The following EXD3 variants were observed in gnomAD, a reference collection of about 807,000 sequenced individuals.
EXD3 encodes exonuclease 3'-5' domain containing 3, also known as exonuclease mut-7 homolog.
EXD3 carries 92 observed loss-of-function variants against 98.0 expected under a neutral mutation model. That is an observed-to-expected ratio of 0.94 (90% confidence interval 0.79 to 1.12). The LOEUF (loss-of-function observed/expected upper bound fraction) is 1.12. Ranked by LOEUF, EXD3 falls within the 50% of genes most tolerant of loss-of-function variation. The pLI is 0.00. For missense variants in EXD3, 1,222 were observed against 1,191.6 expected (o/e 1.03, Z -0.38); for synonymous variants, 569 against 526.0 (o/e 1.08, Z -1.12).
intron 1 of EXD3, among the ~76,000 whole-genome samples, chr9:137,400,587 G>A (rs535162172): frequency 3.3e-5 from 5 of 152,216 alleles, no homozygotes; most frequent in South Asian, 2.1e-4. Context: ...CCAACATGGA[G>A]AAACCCTGTC....
At chr9:137,325,526 G>A (rs1043702530) in intron 17 of EXD3, among the ~76,000 whole-genome samples, 1 of 151,904 alleles carries the variant, frequency 6.6e-6, no homozygotes, top group African/African-American at 2.4e-5. Flanking sequence ...TCTGCCTCCC[G>A]AGTTCAAGCG....
chr9:137,366,353 A>G (rs775090389), intron 7 of EXD3, 140 bp downstream of exon 7: 2 of 1,230,648 alleles, frequency 1.6e-6, no homozygotes, highest in South Asian at 2.6e-5. Context: ...AGCTGCAGTC[A>G]CATGGCAGCT....
chr9:137,371,563 G>A lies in EXD3; in HGVS notation c.462+1342C>T. Among the ~76,000 whole-genome samples, 2 of 152,064 alleles carry A rather than the reference G, an allele frequency of 1.3e-5. 1 individual carries two copies. Among genetic ancestry groups the A allele is most frequent in the East Asian group, 3.9e-4 (2 of 5,176 alleles). ...CCACGTGGGCAGGCAGCGGGGTGGT[G>A]GCCTTCACGCTCGGCCCTGAAGTAA... On this transcript the variant is annotated intron_variant, in intron 5 of 21. Coordinates refer to ENST00000340951, the MANE Select transcript of EXD3 (RefSeq NM_017820.5). This position sits in a 1 kb window ranked among gnomAD's most constrained non-coding sequence, Gnocchi z 8.0.
At chr9:137,350,871 G>C (rs1350404302) in intron 14 of EXD3, among the ~76,000 whole-genome samples, 167 bp downstream of exon 14, 1 of 152,090 alleles carries the variant, frequency 6.6e-6, no homozygotes, top group Non-Finnish European at 1.5e-5. Context: ...GGAGATGCCA[G>C]ATCCAGCTCT....
intron 3 of EXD3, among the ~76,000 whole-genome samples, chr9:137,377,911 A>C (rs1368872149): frequency 6.8e-6 from 1 of 146,008 alleles, no homozygotes; most frequent in Non-Finnish European, 1.5e-5. Context: ...CTCCTGCCTC[A>C]GCCTCCCAGG....
chr9:137,316,016 C>T (rs1402614406), intron 19 of EXD3, among the ~76,000 whole-genome samples: 42 of 151,212 alleles, frequency 2.8e-4, no homozygotes, highest in African/African-American at 1.0e-3. Flanking sequence ...GGGAAGTCCC[C>T]CTTCTCCCCC....
At chr9:137,417,034 C>CT (rs1226274779) in intron 1 of EXD3, among the ~76,000 whole-genome samples, 1 of 152,262 alleles carries the variant, frequency 6.6e-6, no homozygotes, top group African/African-American at 2.4e-5. Context: ...CTCGGCCTCC[C>CT]TGTGGGCCTC....
intron 7 of EXD3, among the ~76,000 whole-genome samples, chr9:137,363,879 C>T (rs1251891262): frequency 6.6e-6 from 1 of 152,102 alleles, no homozygotes; most frequent in African/African-American, 2.4e-5. Context: ...AACAATATCC[C>T]CTTACGACCA....
In EXD3 at chr9:137,403,839, G is replaced by C. The variant is rs185837823; in HGVS notation, c.-47-8435C>G. Among the ~76,000 whole-genome samples the C allele has an allele frequency of 6.6e-6, 1 of 152,322 alleles. No individual in the cohort carries two copies. The highest frequency in any genetic ancestry group is 1.5e-5 in the Non-Finnish European group (1 of 68,028). ...TGCCCCAGCCTGGGCTCTTCACCAGGAAATGAAGGGGAAGACAGACCTGTG... is the reference window on the plus strand; with the variant it reads ...TGCCCCAGCCTGGGCTCTTCACCAGCAAATGAAGGGGAAGACAGACCTGTG... On this transcript the variant is annotated intron_variant, in intron 1 of 21. Coordinates refer to ENST00000340951, the MANE Select transcript of EXD3 (RefSeq NM_017820.5). The surrounding 1 kb of genome is among the most constrained non-coding windows in gnomAD (Gnocchi z 6.1).
intron 17 of EXD3, among the ~76,000 whole-genome samples, chr9:137,344,062 T>C (rs1833798819): frequency 6.6e-6 from 1 of 150,988 alleles, no homozygotes; most frequent in Admixed American, 6.6e-5. Flanking sequence ...TGGCTAATTT[T>C]TTATATTTTT....
intron 17 of EXD3, among the ~76,000 whole-genome samples, chr9:137,340,612 C>T (rs902053342): frequency 1.6e-4 from 24 of 152,022 alleles, no homozygotes; most frequent in Middle Eastern, 3.4e-3. Context: ...TGTGTAGCCT[C>T]GACCTCATGG....
intron 17 of EXD3, among the ~76,000 whole-genome samples, chr9:137,337,292 A>C (rs1292998842): frequency 6.6e-6 from 1 of 152,192 alleles, no homozygotes; most frequent in African/African-American, 2.4e-5. Flanking sequence ...AAATCTGATG[A>C]ATGTACCATC....
rs200027265 is a variant in EXD3 at position 137,373,010 on chromosome 9, G to T, written c.357C>A (p.Pro119=). 95 of 1,603,618 alleles carry T rather than the reference G, an allele frequency of 5.9e-5. No homozygotes were observed. Among genetic ancestry groups the T allele is most frequent in the African/African-American group, 3.6e-4 (27 of 74,856 alleles). ...RAVKVLTESP[P]SLAAPLASIF... The stretch of plus-strand genomic sequence containing the variant: ...TGCTGGCCAGTGGTGCCGCAAGGCT[G>T]GGGGGGCTCTCAGTGAGGACTTTGA... The change falls in exon 5 of 22, where the codon CCC becomes CCA. Residue 119 remains proline, a synonymous_variant. Transcript: ENST00000340951.
intron 1 of EXD3, among the ~76,000 whole-genome samples, chr9:137,415,500 C>T (rs1373615094): frequency 2.0e-5 from 3 of 152,158 alleles, no homozygotes; most frequent in African/African-American, 2.4e-5. Flanking sequence ...GCCCAGGCTG[C>T]GGTTTTGAAG....
chr9:137,358,432 C>T (rs1834898685), intron 7 of EXD3, among the ~76,000 whole-genome samples: 1 of 152,176 alleles, frequency 6.6e-6, no homozygotes, highest in South Asian at 2.1e-4. Flanking sequence ...TCCAGCCCAG[C>T]TTCTTGGAGG....
intron 2 of EXD3, among the ~76,000 whole-genome samples, chr9:137,386,526 C>T (rs1234674202): frequency 1.3e-5 from 2 of 152,054 alleles, no homozygotes; most frequent in Non-Finnish European, 2.9e-5. Flanking sequence ...CCTGCCTTGA[C>T]GCTGTGCCCT....
chr9:137,352,019 AGG>A, intron 12 of EXD3, 45 bp downstream of exon 12: 1 of 1,566,884 alleles, frequency 6.4e-7, no homozygotes, highest in Middle Eastern at 1.7e-4. Context: ...AGTGCCTGGC[AGG>A]GGGATCCCAC....
chr9:137,324,050 TG>T lies in EXD3; in HGVS notation c.2052+39del. ...CCGAGGGGCTGGGGGCTTGGGAAGA[TG>T]GGGCTCAGGCCCACTGAGCTTATCT... On this transcript the variant is annotated intron_variant, in intron 18 of 21. Transcript: ENST00000340951. The surrounding 1 kb of genome is among the most constrained non-coding windows in gnomAD (Gnocchi z 4.1). The T allele has an allele frequency of 6.4e-7, 1 of 1,563,518 alleles. No homozygotes were observed. The highest frequency in any genetic ancestry group is 8.7e-7 in the Non-Finnish European group (1 of 1,153,734).
chr9:137,418,463 T>C (rs1008380365), intron 1 of EXD3, among the ~76,000 whole-genome samples: 2 of 152,256 alleles, frequency 1.3e-5, no homozygotes, highest in Admixed American at 6.5e-5. Context: ...TATTTTTATA[T>C]GGCATAGGAA....
Sources: gnomAD v4.1 joint callset for allele counts (sites outside exome capture counted in the v4.1 genomes callset) on GRCh38, gnomAD v4.1.1 for gene constraint, Gnocchi (gnomAD v3.1) non-coding constraint, MANE v1.5 for transcripts, NCBI Gene and HGNC (gene_info 2026-07-23, HGNC 2026-07-21) for gene names.